The following CDH13 variants were observed in gnomAD, a reference collection of about 807,000 sequenced individuals.
CDH13 encodes the protein cadherin 13.
In CDH13, 24 loss-of-function variants were observed where a neutral mutation model predicts 63.8. The observed-to-expected ratio is 0.38, with a 90% CI of 0.27 to 0.53. CDH13 has a LOEUF of 0.53. Among genes scored for constraint, CDH13 ranks in the 20% least tolerant of loss-of-function variants. The pLI is 0.85. For missense variants in CDH13, 1,049 were observed against 903.1 expected (o/e 1.16, Z -2.07); for synonymous variants, 503 against 355.3 (o/e 1.42, Z -4.67).
intron 3 of CDH13, among the ~76,000 whole-genome samples, chr16:83,091,561 C>G (rs2033914873): frequency 6.6e-6 from 1 of 152,224 alleles, no homozygotes; most frequent in African/African-American, 2.4e-5. Context: ...CAGCTGGAGA[C>G]TAAGTCAGCT....
At position 83,269,101 on chromosome 16, in the gene CDH13, C is replaced by G. The variant is rs150843862; in HGVS notation, c.636+51604C>G. 2.4e-3 allele frequency among the ~76,000 whole-genome samples: 372 copies of G among 152,352 alleles called. 2 individuals carry two copies. Among genetic ancestry groups the G allele is most frequent in the African/African-American group, 8.6e-3 (356 of 41,584 alleles). On this transcript the variant is annotated intron_variant, in intron 5 of 13. Coordinates refer to ENST00000567109, the MANE Select transcript of CDH13 (RefSeq NM_001257.5). ...AACAATGACTTCATAATCTAGAACT[C>G]TCTAGAACCTCCTTTTCTATTACAA...
At chr16:82,668,348 C>T (rs573605637) in intron 1 of CDH13, among the ~76,000 whole-genome samples, 1 of 152,202 alleles carries the variant, frequency 6.6e-6, no homozygotes, top group South Asian at 2.1e-4. Flanking sequence ...TTAAAGGGTG[C>T]CTAGGACATA....
At chr16:83,577,551 CT>C (rs1905173730) in intron 7 of CDH13, among the ~76,000 whole-genome samples, 1 of 152,176 alleles carries the variant, frequency 6.6e-6, no homozygotes, top group Admixed American at 6.5e-5. Flanking sequence ...CCAGATGCCC[CT>C]ATGGGAATTA....
intron 8 of CDH13, among the ~76,000 whole-genome samples, chr16:83,653,760 G>T (rs8051381): frequency 1 from 151,977 of 152,300 alleles, 75,827 homozygotes; most frequent in Middle Eastern, 1. Flanking sequence ...CTGGGTATTT[G>T]ATTATTTATG....
intron 3 of CDH13, among the ~76,000 whole-genome samples, chr16:83,122,268 A>T (rs945633448): frequency 4.3e-4 from 66 of 152,372 alleles, no homozygotes; most frequent in African/African-American, 1.6e-3. Context: ...CTGTAAGATG[A>T]AGAGCTTTCC....
chr16:82,804,993 C>G (rs2037073111), intron 1 of CDH13, among the ~76,000 whole-genome samples: 1 of 152,158 alleles, frequency 6.6e-6, no homozygotes, highest in South Asian at 2.1e-4. Context: ...ATGATATTCT[C>G]TTTGTATCCA....
At chr16:82,810,608 G>T (rs2037395712) in intron 1 of CDH13, among the ~76,000 whole-genome samples, 1 of 152,162 alleles carries the variant, frequency 6.6e-6, no homozygotes, top group Admixed American at 6.6e-5. Context: ...TGTGGCATTA[G>T]TTAGCATCTC....
intron 1 of CDH13, among the ~76,000 whole-genome samples, chr16:82,791,223 C>G (rs1054465239): frequency 8.6e-6 from 1 of 115,680 alleles, no homozygotes; most frequent in Non-Finnish European, 1.7e-5. Context: ...GGCGACAAAG[C>G]GAGACTCCGT....
intron 10 of CDH13, among the ~76,000 whole-genome samples, chr16:83,729,735 C>G (rs1189721746): frequency 6.6e-6 from 1 of 152,198 alleles, no homozygotes; most frequent in Admixed American, 6.5e-5. Context: ...TGGCACAAAG[C>G]AAGTGCTCAA....
In CDH13 at chr16:83,483,229, C is replaced by T. The variant is rs1156494344; in HGVS notation, c.782-3248C>T. Among the ~76,000 whole-genome samples, 4 of 152,242 alleles carry T rather than the reference C, an allele frequency of 2.6e-5. No homozygotes were observed. The East Asian group carries it at 7.7e-4, about 29-fold the overall frequency. Reference sequence around the variant, plus strand: ...GCACAATGCGGTTCCCTCAGAGGCGCGATTTCCTCCAGAGTAAATCCAGTG... The same window carrying T: ...GCACAATGCGGTTCCCTCAGAGGCGTGATTTCCTCCAGAGTAAATCCAGTG... On this transcript the variant is annotated intron_variant, in intron 6 of 13. Coordinates refer to ENST00000567109, the MANE Select transcript of CDH13 (RefSeq NM_001257.5).
At chr16:83,609,285 T>C (rs559730693) in intron 8 of CDH13, among the ~76,000 whole-genome samples, 2 of 152,316 alleles carry the variant, frequency 1.3e-5, no homozygotes, top group East Asian at 3.9e-4. Context: ...ATTTTATATG[T>C]GGCCCAAGAC....
At chr16:83,503,448 G>A (rs1567718216) in intron 7 of CDH13, among the ~76,000 whole-genome samples, 1 of 152,166 alleles carries the variant, frequency 6.6e-6, no homozygotes, top group Non-Finnish European at 1.5e-5. Context: ...CCCAGGAGGA[G>A]GGGCAGTGAG....
intron 2 of CDH13, among the ~76,000 whole-genome samples, chr16:82,945,131 A>C (rs1360128030): frequency 6.6e-6 from 1 of 152,198 alleles, no homozygotes; most frequent in South Asian, 2.1e-4. Context: ...TAACACAAAG[A>C]CATTTCTCAA....
At chr16:83,067,065 G>A (rs576078527) in intron 3 of CDH13, among the ~76,000 whole-genome samples, 27 of 152,214 alleles carry the variant, frequency 1.8e-4, no homozygotes, top group African/African-American at 2.9e-4. Context: ...CGTTTTAAGC[G>A]TCCTTCATTC....
intron 1 of CDH13, chr16:82,688,906 C>A (rs1441974253): frequency 6.6e-6 from 1 of 152,076 alleles, no homozygotes; most frequent in Non-Finnish European, 1.5e-5. Context: ...AAATAGGACC[C>A]AGAGAGGGGC....
intron 2 of CDH13, among the ~76,000 whole-genome samples, chr16:83,025,083 G>C (rs1323144004): frequency 1.3e-5 from 2 of 152,156 alleles, no homozygotes; most frequent in Non-Finnish European, 2.9e-5. Context: ...AAAAGGAAAA[G>C]GTAGCTTCCT....
chr16:82,684,572 T>A (rs907621776), intron 1 of CDH13, among the ~76,000 whole-genome samples: 7 of 152,098 alleles, frequency 4.6e-5, no homozygotes, highest in Non-Finnish European at 8.8e-5. Context: ...AGTCAGGATC[T>A]GGGGAGCTAC....
chr16:83,038,612 A>T (rs1917070424), intron 3 of CDH13, among the ~76,000 whole-genome samples: 1 of 152,342 alleles, frequency 6.6e-6, no homozygotes, highest in South Asian at 2.1e-4. Flanking sequence ...TCATGGCCCA[A>T]CAAGGATGAA....
intron 4 of CDH13, among the ~76,000 whole-genome samples, chr16:83,182,793 A>C (rs1359675237): frequency 6.6e-6 from 1 of 152,262 alleles, no homozygotes; most frequent in South Asian, 2.1e-4. Flanking sequence ...ACACAAAATT[A>C]TAAAGTAAAA....
Sources: allele counts gnomAD v4.1 joint callset (sites outside exome capture counted in the v4.1 genomes callset), GRCh38; gene constraint gnomAD v4.1.1; transcripts MANE v1.5; gene names NCBI Gene and HGNC (gene_info 2026-07-23, HGNC 2026-07-21).